Variants in SULT1E1 observed in about 807,000 individuals in gnomAD.
SULT1E1 encodes the protein sulfotransferase 1E1.
In SULT1E1, 36 loss-of-function variants were observed where a neutral mutation model predicts 33.6. The observed-to-expected ratio is 1.07, with a 90% CI of 0.82 to 1.41. The LOEUF is 1.41. Ranked by LOEUF, SULT1E1 falls within the 40% of genes most tolerant of loss-of-function variation. SULT1E1 has a pLI of 0.00. For synonymous variants in SULT1E1, 121 were observed against 111.7 expected (o/e 1.08, Z -0.53); for missense variants, 371 against 345.7 (o/e 1.07, Z -0.58).
chr4:69,821,195 ATCCC>A, the SULT1E1 span, among the ~76,000 whole-genome samples: 2 of 152,302 alleles, frequency 1.3e-5, no homozygotes, highest in East Asian at 3.9e-4. Context: ...TTTTTAATAA[ATCCC>A]AATGTTTATA....
chr4:69,856,447 T>A lies in SULT1E1; in HGVS notation c.146-1021A>T, dbSNP rs1320191882. 3.3e-5 allele frequency among the ~76,000 whole-genome samples: 5 copies of A among 152,160 alleles called. No homozygotes were observed. The South Asian group carries it at 1.0e-3, about 31-fold the overall frequency. On this transcript the variant is annotated intron_variant, in intron 2 of 7. Transcript: ENST00000226444. ...TCAATAGAAAGGGAGACAAGAGACC[T>A]GTTAAGAGGCTGACTGTGAGACCTA...
chr4:69,857,031 A>G (rs3775772), intron 2 of SULT1E1, among the ~76,000 whole-genome samples: 1 of 152,016 alleles, frequency 6.6e-6, no homozygotes, highest in African/African-American at 2.4e-5. Context: ...CAGATGAAGA[A>G]ATATGAATTC....
chr4:69,838,119 T>C (rs946387114), downstream of SULT1E1, among the ~76,000 whole-genome samples: 1 of 152,112 alleles, frequency 6.6e-6, no homozygotes, highest in Non-Finnish European at 1.5e-5. Context: ...TCTGTGGTTA[T>C]ATTTCTTATT....
chr4:69,835,790 A>C, the SULT1E1 span, among the ~76,000 whole-genome samples: 1 of 152,078 alleles, frequency 6.6e-6, no homozygotes, highest in Non-Finnish European at 1.5e-5. Context: ...TTATTTATTT[A>C]TTTATGTTAT....
At chr4:69,840,125 C>G (rs936503566), downstream of SULT1E1, among the ~76,000 whole-genome samples, 1 of 151,974 alleles carries the variant, frequency 6.6e-6, no homozygotes, top group African/African-American at 2.4e-5. Flanking sequence ...GATTCTGATT[C>G]CCCCGGTAAA....
chr4:69,848,805 A>G (rs1396725747), intron 5 of SULT1E1, among the ~76,000 whole-genome samples: 3 of 151,928 alleles, frequency 2.0e-5, no homozygotes. Context: ...CTTCTTTAGA[A>G]TACTAGACTA....
intron 5 of SULT1E1, among the ~76,000 whole-genome samples, chr4:69,848,914 A>T (rs571508898): frequency 6.6e-6 from 1 of 152,060 alleles, no homozygotes; most frequent in Admixed American, 6.6e-5. Context: ...CTCTTAACAA[A>T]TTTGAGAAAC....
downstream of SULT1E1, among the ~76,000 whole-genome samples, chr4:69,840,319 G>T (rs938225503): frequency 2.0e-4 from 31 of 152,118 alleles, no homozygotes; most frequent in Non-Finnish European, 3.5e-4. Flanking sequence ...TTTCTCCCCA[G>T]ATTTGGCCTT....
chr4:69,835,146 C>T, the SULT1E1 span, among the ~76,000 whole-genome samples: 2 of 152,182 alleles, frequency 1.3e-5, no homozygotes, highest in South Asian at 2.1e-4. Flanking sequence ...CTGCCCAGAA[C>T]ATCATGCTCC....
At chr4:69,847,963 T>A (rs900217785) in intron 5 of SULT1E1, among the ~76,000 whole-genome samples, 171 bp from the exon 6 acceptor site, 5 of 151,812 alleles carry the variant, frequency 3.3e-5, no homozygotes, top group African/African-American at 1.2e-4. Context: ...AGGCAAAGTA[T>A]GTTAAATAAT....
intron 3 of SULT1E1, among the ~76,000 whole-genome samples, chr4:69,854,555 A>G (rs914263873): frequency 3.9e-5 from 6 of 152,034 alleles, no homozygotes; most frequent in Non-Finnish European, 7.4e-5. Context: ...CATCTAATAT[A>G]TATTCACAAA....
chr4:69,851,717 A>G (rs1721115515), intron 4 of SULT1E1, among the ~76,000 whole-genome samples: 1 of 152,206 alleles, frequency 6.6e-6, no homozygotes. Flanking sequence ...AAGACTTGGA[A>G]CCAACCCAAA....
At chr4:69,851,587 C>G (rs1347174599) in intron 4 of SULT1E1, among the ~76,000 whole-genome samples, 4 of 152,094 alleles carry the variant, frequency 2.6e-5, no homozygotes, top group African/African-American at 9.7e-5. Context: ...GGATCTAGAA[C>G]TAGAAATACC....
At chr4:69,832,371 G>A in the SULT1E1 span, among the ~76,000 whole-genome samples, 2 of 152,234 alleles carry the variant, frequency 1.3e-5, no homozygotes, top group African/African-American at 4.8e-5. Flanking sequence ...TGGCGCACCA[G>A]AAATGTTGCA....
rs548596116 is a variant in SULT1E1, at chr4:69,842,138, A to G, written c.773-32T>C. On this transcript the variant is annotated intron_variant, in intron 7 of 7. Transcript: ENST00000226444. ...CAAAAAAGAAAGCTCAATAAATATTAAGTCTTCCAAAAAGAATCATTAGGT... is the reference window on the plus strand; with the variant it reads ...CAAAAAAGAAAGCTCAATAAATATTGAGTCTTCCAAAAAGAATCATTAGGT... 35 of 1,254,626 alleles carry G rather than the reference A, an allele frequency of 2.8e-5. 1 individual carries two copies. The South Asian group carries it at 4.5e-4, about 16-fold the overall frequency. The allele number at this position is 1,254,626 out of a possible 1,614,324, so 77.7% of individuals were successfully genotyped here.
At chr4:69,859,788 C>A (rs1435938597) in intron 1 of SULT1E1, among the ~76,000 whole-genome samples, 1 of 152,022 alleles carries the variant, frequency 6.6e-6, no homozygotes, top group Non-Finnish European at 1.5e-5. Context: ...CAGCATTCAG[C>A]ACTTTTAAGA....
downstream of SULT1E1, among the ~76,000 whole-genome samples, chr4:69,840,490 T>C (rs1720861425): frequency 6.6e-6 from 1 of 152,134 alleles, no homozygotes; most frequent in Non-Finnish European, 1.5e-5. Flanking sequence ...TAAAAAACAA[T>C]AAAAAATTTT....
At chr4:69,855,182 T>C in intron 3 of SULT1E1, 119 bp downstream of exon 3, 1 of 1,019,750 alleles carries the variant, frequency 9.8e-7, no homozygotes, top group East Asian at 2.6e-5. Flanking sequence ...TTATATGCTG[T>C]CTTATGTAGA....
downstream of SULT1E1, among the ~76,000 whole-genome samples, chr4:69,839,709 C>A (rs767592578): frequency 1.3e-5 from 2 of 152,128 alleles, no homozygotes; most frequent in African/African-American, 2.4e-5. Flanking sequence ...CCACATGATG[C>A]CGTCCAAGGT....
Sources: gnomAD v4.1 joint callset for allele counts (sites outside exome capture counted in the v4.1 genomes callset) on GRCh38, gnomAD v4.1.1 for gene constraint, MANE v1.5 for transcripts, NCBI Gene and HGNC (gene_info 2026-07-23, HGNC 2026-07-21) for gene names.